ANAPC4: variants seen among roughly 807,000 people sequenced by gnomAD.
The protein encoded by ANAPC4 is anaphase promoting complex subunit 4.
In ANAPC4, 63 loss-of-function variants were observed where a neutral mutation model predicts 119.8. That is an observed-to-expected ratio of 0.53 (90% CI 0.43 to 0.65). The LOEUF (loss-of-function observed/expected upper bound fraction) is 0.65, where lower values mean the gene tolerates loss of function less well. Among genes scored for constraint, ANAPC4 ranks in the 30% least tolerant of loss-of-function variants. ANAPC4 has a pLI of 0.00. For missense variants in ANAPC4, 716 were observed against 945.1 expected, an observed-to-expected ratio of 0.76 and a Z score of 3.18; for synonymous variants, 283 against 318.6, an observed-to-expected ratio of 0.89 and a Z score of 1.19.
intron 14 of ANAPC4, 87 bp downstream of exon 14, chr4:25,394,992 A>G: frequency 1.9e-6 from 2 of 1,058,816 alleles, no homozygotes; most frequent in Non-Finnish European, 2.8e-6. Flanking sequence ...TTCATCTGGC[A>G]TTCTCTTTTT....
Position 25,417,621 on chromosome 4 carries a change from A to G in ANAPC4, c.2081A>G (p.Asp694Gly). The change falls in exon 28 of 29, where the codon GAT (aspartate) becomes GGT (glycine). Residue 694 changes from aspartate to glycine, a missense_variant. Physicochemically the swap from Asp to Gly is moderately conservative, Grantham distance 94. Transcript: ENST00000315368. Reference sequence around the variant, plus strand: ...TGGTTTTTTTCCCTCTTTAGGCTAGATGAACAGTGTAGTGCTATTCCCACC... The same window carrying G: ...TGGTTTTTTTCCCTCTTTAGGCTAGGTGAACAGTGTAGTGCTATTCCCACC... ...QFTGTYSTRLDEQCSAIPTRT... is the reference protein window; with the variant it reads ...QFTGTYSTRLGEQCSAIPTRT... 6.3e-7 allele frequency: 1 copy of G among 1,595,882 alleles called. No individual in the cohort carries two copies. Among genetic ancestry groups the G allele is most frequent in the East Asian group, 2.2e-5 (1 of 44,504 alleles).
At chr4:25,393,154 G>A (rs1270272922) in intron 10 of ANAPC4, among the ~76,000 whole-genome samples, 1 of 152,124 alleles carries the variant, frequency 6.6e-6, no homozygotes, top group African/African-American at 2.4e-5. Flanking sequence ...GGTTTCTAGA[G>A]ATCAGTATCT....
intron 16 of ANAPC4, among the ~76,000 whole-genome samples, chr4:25,401,624 T>C (rs1399459833): frequency 1.3e-5 from 2 of 152,236 alleles, no homozygotes; most frequent in Admixed American, 1.3e-4. Context: ...CTCCGTGCAC[T>C]GCGTGGCACA....
intron 2 of ANAPC4, 86 bp from the exon 3 acceptor site, chr4:25,380,287 TA>T (rs1332130704): frequency 7.1e-6 from 7 of 981,660 alleles, no homozygotes; most frequent in Non-Finnish European, 9.1e-6. Context: ...GATGGTCATT[TA>T]AAAAAATTTT....
At position 25,394,879 on chromosome 4, in the gene ANAPC4, A is replaced by G; in HGVS notation, c.1035A>G (p.Gln345=). ...TAGAGTCATCATACTCCAGTATACA[A>G]AAATTGGTCATAAGTCATTTACAGA... ...QSIESSYSSI[Q]KLVISHLQSG... is the part of the protein sequence containing the mutation. The change falls in exon 14 of 29, where the codon CAA becomes CAG. Residue 345 remains glutamine (Q), a synonymous_variant. Transcript: ENST00000315368. The G allele has an allele frequency of 1.2e-6, 2 of 1,613,476 alleles. No individual in the cohort carries two copies. Among genetic ancestry groups the G allele is most frequent in the Non-Finnish European group, 1.7e-6 (2 of 1,179,806 alleles).
chr4:25,386,651 G>A (rs1197396410), intron 4 of ANAPC4, among the ~76,000 whole-genome samples: 1 of 152,180 alleles, frequency 6.6e-6, no homozygotes, highest in Non-Finnish European at 1.5e-5. Context: ...ATTTCAAAAT[G>A]TGACACAGAA....
At chr4:25,390,302 T>C (rs575939389) in intron 8 of ANAPC4, 82 bp downstream of exon 8, 9 of 1,019,656 alleles carry the variant, frequency 8.8e-6, no homozygotes, top group Non-Finnish European at 1.3e-5. Context: ...AATAAAACAC[T>C]AGGTTTTTTT....
At chr4:25,389,190 C>T (rs1177235678) in intron 7 of ANAPC4, among the ~76,000 whole-genome samples, 1 of 143,832 alleles carries the variant, frequency 7.0e-6, no homozygotes, top group Non-Finnish European at 1.5e-5. Context: ...GACGGAGTCT[C>T]GCTCTGTTGC....
intron 16 of ANAPC4, among the ~76,000 whole-genome samples, chr4:25,397,331 G>A (rs890015033): frequency 7.9e-5 from 12 of 152,088 alleles, no homozygotes; most frequent in Non-Finnish European, 2.9e-5. Flanking sequence ...TCTGAAGGGT[G>A]GTGTAGTACC....
At chr4:25,409,553 T>A in intron 20 of ANAPC4, 145 bp from the exon 21 acceptor site, 1 of 590,114 alleles carries the variant, frequency 1.7e-6, no homozygotes, top group Non-Finnish European at 3.0e-6. Flanking sequence ...CTTATTAAGT[T>A]AAAAAAGTGT....
Position 25,388,507 on chromosome 4 carries a change from A to G in ANAPC4, c.376A>G (p.Thr126Ala). 1 of 1,590,798 alleles carries G rather than the reference A, an allele frequency of 6.3e-7. No homozygotes were observed. The highest frequency in any genetic ancestry group is 8.6e-7 in the Non-Finnish European group (1 of 1,161,606). The change falls in exon 5 of 29, where the codon ACA becomes GCA. Residue 126 changes from threonine (T) to alanine (A), a missense_variant. Thr to Ala is a moderately conservative substitution (Grantham distance 58). This residue lies in a region of ANAPC4 where 202 missense variants were observed against 293.5 expected (regional missense o/e 0.69). Transcript: ENST00000315368. ...TTATTTTTTCCTTTTTAGTGTTCTC[A>G]CATCATTTTATAATGCTGAGGATGA... ...MEVTVESSVL[T>A]SFYNAEDESN...
At chr4:25,385,454 A>G (rs1171654602) in intron 4 of ANAPC4, among the ~76,000 whole-genome samples, 2 of 152,218 alleles carry the variant, frequency 1.3e-5, no homozygotes, top group Non-Finnish European at 2.9e-5. Context: ...GCTTTCTCTC[A>G]GCACTTTCAT....
intron 10 of ANAPC4, among the ~76,000 whole-genome samples, chr4:25,392,642 T>C (rs1722412509): frequency 6.6e-6 from 1 of 152,182 alleles, no homozygotes; most frequent in African/African-American, 2.4e-5. Context: ...TTAAATCTTT[T>C]AAAATACTCC....
intron 25 of ANAPC4, 141 bp downstream of exon 25, chr4:25,414,841 A>G: frequency 1.3e-6 from 1 of 785,502 alleles, no homozygotes; most frequent in Non-Finnish European, 1.8e-6. Context: ...TTTTCATGTC[A>G]TTAAAAGGGT....
intron 22 of ANAPC4, 171 bp from the exon 23 acceptor site, chr4:25,414,153 T>A (rs970338141): frequency 1.7e-5 from 9 of 534,718 alleles, no homozygotes; most frequent in South Asian, 1.6e-4. Flanking sequence ...AGCTCAGAAT[T>A]TTCTCTTTTT....
At chr4:25,418,098 C>T in intron 28 of ANAPC4, 57 bp from the exon 29 acceptor site, 1 of 1,443,082 alleles carries the variant, frequency 6.9e-7, no homozygotes. Flanking sequence ...ATTTCTAATT[C>T]TTTATATATG....
At chr4:25,388,413 GTATC>G in intron 4 of ANAPC4, 83 bp from the exon 5 acceptor site, 1 of 866,152 alleles carries the variant, frequency 1.2e-6, no homozygotes. Context: ...GTAAAACTGG[GTATC>G]TTTTTTAAAA....
At chr4:25,403,791 G>A (rs972446821) in intron 17 of ANAPC4, among the ~76,000 whole-genome samples, 1 of 152,188 alleles carries the variant, frequency 6.6e-6, no homozygotes, top group African/African-American at 2.4e-5. Context: ...CACTTCTATT[G>A]TGTATTGATG....
intron 17 of ANAPC4, among the ~76,000 whole-genome samples, chr4:25,403,538 T>TA (rs1281231536): frequency 6.6e-6 from 1 of 151,796 alleles, no homozygotes; most frequent in Non-Finnish European, 1.5e-5. Flanking sequence ...ATTTTAAAAG[T>TA]AAAAAAGAAA....
Sources: gnomAD v4.1 joint callset for allele counts (sites outside exome capture counted in the v4.1 genomes callset) on GRCh38, gnomAD v4.1.1 for gene constraint, gnomAD v4.1.1 regional missense constraint, MANE v1.5 for transcripts, NCBI Gene and HGNC (gene_info 2026-07-23, HGNC 2026-07-21) for gene names.